SRFBP1: variants seen among roughly 807,000 people sequenced by gnomAD.
SRFBP1 encodes the protein serum response factor-binding protein 1.
SRFBP1 carries 47 observed loss-of-function variants against 45.5 expected under a neutral mutation model. That is an observed-to-expected ratio of 1.03 (90% CI 0.82 to 1.32). SRFBP1 has a LOEUF of 1.32. Among genes scored for constraint, SRFBP1 ranks in the 40% most tolerant of loss-of-function variants. The pLI is 0.00. For synonymous variants in SRFBP1, 203 were observed against 166.3 expected, an observed-to-expected ratio of 1.22 and a Z score of -1.70; for missense variants, 621 against 484.6, an observed-to-expected ratio of 1.28 and a Z score of -2.64.
chr5:121,991,011 A>G (rs980930833), intron 3 of SRFBP1, among the ~76,000 whole-genome samples: 1 of 149,968 alleles, frequency 6.7e-6, no homozygotes, highest in Non-Finnish European at 1.5e-5. Flanking sequence ...TTTCCAGTGC[A>G]CTTGTAGAAG....
At chr5:121,994,117 A>G (rs1258065725) in intron 3 of SRFBP1, among the ~76,000 whole-genome samples, 1 of 152,070 alleles carries the variant, frequency 6.6e-6, no homozygotes, top group Non-Finnish European at 1.5e-5. Flanking sequence ...GTCTTGAGCT[A>G]ATAAATAGTA....
chr5:122,034,553 T>G (rs1313172734), intron 2 of SRFBP1, among the ~76,000 whole-genome samples: 1 of 152,124 alleles, frequency 6.6e-6, no homozygotes, highest in Non-Finnish European at 1.5e-5. Context: ...TTTCCTTTTT[T>G]CATCTACCTT....
At chr5:121,966,311 C>T (rs925593047) in intron 1 of SRFBP1, among the ~76,000 whole-genome samples, 1 of 152,008 alleles carries the variant, frequency 6.6e-6, no homozygotes, top group Non-Finnish European at 1.5e-5. Flanking sequence ...AAAAATAAAC[C>T]ATCACTTTTT....
intron 3 of SRFBP1, among the ~76,000 whole-genome samples, chr5:121,992,114 A>G (rs1176064517): frequency 6.6e-6 from 1 of 152,162 alleles, no homozygotes; most frequent in Non-Finnish European, 1.5e-5. Context: ...GCATAAAACA[A>G]CACAAATGTA....
chr5:121,975,348 A>T lies in SRFBP1; in HGVS notation c.159A>T (p.Arg53Ser), dbSNP rs1478017549. ...GTEDALLKNQ[R>S]RAQRLLEEIH... ...AAGATGCACTGTTAAAAAACCAAAG[A>T]CGGGCGCAAAGATTGCTTGAAGAAA... Residue 53 changes from arginine to serine, a missense_variant, in exon 3 of 8, where the codon AGA (arginine) becomes AGT (serine). Transcript: ENST00000339397. 4 of 1,613,272 alleles carry T rather than the reference A, an allele frequency of 2.5e-6. No individual in the cohort carries two copies. The highest frequency in any genetic ancestry group is 2.5e-6 in the Non-Finnish European group (3 of 1,179,410).
chr5:122,078,733 A>G (rs529334377), downstream of SRFBP1, among the ~76,000 whole-genome samples: 10 of 152,342 alleles, frequency 6.6e-5, no homozygotes, highest in South Asian at 2.1e-3. Flanking sequence ...TTCCCAACGC[A>G]CACTCTCTCG....
At chr5:121,976,032 C>T (rs1361434090) in intron 3 of SRFBP1, among the ~76,000 whole-genome samples, 2 of 151,902 alleles carry the variant, frequency 1.3e-5, no homozygotes, top group Non-Finnish European at 1.5e-5. Flanking sequence ...TTGGTCCCAG[C>T]AATTTTCTTA....
chr5:122,074,203 GT>G, intron 2 of SRFBP1: 3 of 1,579,938 alleles, frequency 1.9e-6, no homozygotes, highest in Non-Finnish European at 2.6e-6. Flanking sequence ...ATGGTGGTCA[GT>G]TACATACAGA....
At chr5:122,035,839 A>C (rs1753686334) in intron 2 of SRFBP1, among the ~76,000 whole-genome samples, 1 of 152,174 alleles carries the variant, frequency 6.6e-6, no homozygotes, top group Admixed American at 6.5e-5. Context: ...TAAGTATACC[A>C]AGACCTCAAA....
At chr5:122,078,220 C>T (rs947116323), downstream of SRFBP1, 8 of 406,210 alleles carry the variant, frequency 2.0e-5, no homozygotes, top group African/African-American at 1.4e-4. Context: ...TGGAAGGCAA[C>T]GGGGAGCGGC....
chr5:121,972,460 A>C (rs1458833278), intron 1 of SRFBP1, among the ~76,000 whole-genome samples: 1 of 151,900 alleles, frequency 6.6e-6, no homozygotes, highest in Non-Finnish European at 1.5e-5. Context: ...CAGGATGGCT[A>C]GGAAGAATGG....
intron 2 of SRFBP1, among the ~76,000 whole-genome samples, chr5:122,061,963 A>G (rs1754177961): frequency 6.6e-6 from 1 of 151,910 alleles, no homozygotes. Flanking sequence ...ATTACTTAAG[A>G]TGGTATATCC....
At chr5:122,049,254 C>T (rs993083675) in intron 2 of SRFBP1, among the ~76,000 whole-genome samples, 11 of 151,930 alleles carry the variant, frequency 7.2e-5, no homozygotes, top group African/African-American at 2.7e-4. Context: ...GACTTTAAAC[C>T]AACAAAGATC....
At chr5:121,970,937 A>T (rs1752178840) in intron 1 of SRFBP1, among the ~76,000 whole-genome samples, 1 of 152,224 alleles carries the variant, frequency 6.6e-6, no homozygotes, top group Middle Eastern at 3.4e-3. Flanking sequence ...TGACCCTCTC[A>T]GGGAAGCCAG....
At chr5:122,075,074 C>G (rs989141278) in intron 2 of SRFBP1, among the ~76,000 whole-genome samples, 5 of 152,174 alleles carry the variant, frequency 3.3e-5, no homozygotes, top group African/African-American at 7.2e-5. Context: ...TTATGAAATG[C>G]TATTTAATGC....
chr5:122,001,797 A>G (rs1025189292), intron 4 of SRFBP1, among the ~76,000 whole-genome samples: 1 of 151,774 alleles, frequency 6.6e-6, no homozygotes, highest in African/African-American at 2.4e-5. Flanking sequence ...TCCTGACCTC[A>G]TGATCCACCC....
intron 2 of SRFBP1, among the ~76,000 whole-genome samples, chr5:122,042,019 T>C (rs1753781519): frequency 6.6e-6 from 1 of 152,314 alleles, no homozygotes; most frequent in East Asian, 1.9e-4. Context: ...TTGAGCTTTA[T>C]CAGATACCTT....
chr5:121,979,901 A>G (rs1752374950), intron 3 of SRFBP1, among the ~76,000 whole-genome samples: 1 of 152,154 alleles, frequency 6.6e-6, no homozygotes, highest in South Asian at 2.1e-4. Context: ...TCATAAACCC[A>G]TAAATTCTGG....
intron 6 of SRFBP1, among the ~76,000 whole-genome samples, chr5:122,021,945 C>T (rs1307546499): frequency 6.6e-6 from 1 of 151,864 alleles, no homozygotes; most frequent in East Asian, 1.9e-4. Flanking sequence ...CCACCCTGCT[C>T]AGCCTCCCAA....
Sources: allele counts gnomAD v4.1 joint callset (sites outside exome capture counted in the v4.1 genomes callset), GRCh38; gene constraint gnomAD v4.1.1; transcripts MANE v1.5; gene names NCBI Gene and HGNC (gene_info 2026-07-23, HGNC 2026-07-21).